The following TMEM117 variants were observed in gnomAD, a reference collection of about 807,000 sequenced individuals.
TMEM117 encodes transmembrane protein 117.
Under a neutral mutation model 52.4 loss-of-function variants are expected in TMEM117, and 27 were observed. The observed-to-expected ratio is 0.51, with a 90% CI of 0.38 to 0.71. TMEM117 has a LOEUF of 0.71. TMEM117 is among the 30% of genes least tolerant of loss of function. The pLI is 0.00. For missense variants in TMEM117, 556 were observed against 630.5 expected (o/e 0.88, Z 1.26); for synonymous variants, 215 against 206.3 (o/e 1.04, Z -0.36).
At chr12:44,152,938 T>C (rs1948775431) in intron 4 of TMEM117, among the ~76,000 whole-genome samples, 1 of 149,736 alleles carries the variant, frequency 6.7e-6, no homozygotes, top group Non-Finnish European at 1.5e-5. Context: ...TTATATATAC[T>C]TAAGAATAGT....
At position 44,323,613 on chromosome 12, in the gene TMEM117, T is replaced by A. The variant is rs78727032; in HGVS notation, c.768+23874T>A. On this transcript the variant is annotated intron_variant, in intron 6 of 7. Transcript: ENST00000266534. ...CTAAAACATTAAGAAAATAACTTAT[T>A]GTTTTATCAGGAATTTATGATGAAT... is the stretch of plus-strand genomic sequence containing the variant. 8.7e-3 allele frequency among the ~76,000 whole-genome samples: 1,328 copies of A among 152,284 alleles called. 9 individuals carry two copies. Among genetic ancestry groups the A allele is most frequent in the Non-Finnish European group, 0.014 (950 of 68,006 alleles).
rs190105129 is a variant in TMEM117, at chr12:44,235,315, C to T, written c.608+23928C>T. ...TACTTTCAATCATTTAGGATATTTACGTTTTAAATGTTTCCTGTTAAATGC... is the reference window on the plus strand; with the variant it reads ...TACTTTCAATCATTTAGGATATTTATGTTTTAAATGTTTCCTGTTAAATGC... On this transcript the variant is annotated intron_variant, in intron 5 of 7. Coordinates refer to ENST00000266534, the MANE Select transcript of TMEM117 (RefSeq NM_032256.3). Among the ~76,000 whole-genome samples the T allele has an allele frequency of 4.6e-5, 7 of 151,260 alleles. No individual in the cohort carries two copies. The East Asian group carries it at 7.7e-4, about 17-fold the overall frequency.
intron 3 of TMEM117, among the ~76,000 whole-genome samples, chr12:44,065,854 C>G (rs960972646): frequency 2.2e-4 from 34 of 152,134 alleles, no homozygotes; most frequent in African/African-American, 7.2e-4. Context: ...GTTCCTCTCT[C>G]TACGTTAATG....
At chr12:43,990,386 C>G (rs528964398) in intron 3 of TMEM117, among the ~76,000 whole-genome samples, 186 of 152,254 alleles carry the variant, frequency 1.2e-3, no homozygotes, top group South Asian at 4.1e-3. Context: ...AAGATACTAT[C>G]ATGGGACATT....
At chr12:44,166,932 T>C (rs1268597271) in intron 4 of TMEM117, among the ~76,000 whole-genome samples, 1 of 152,246 alleles carries the variant, frequency 6.6e-6, no homozygotes, top group African/African-American at 2.4e-5. Context: ...GTATTGTATG[T>C]AGCTCAGTGT....
chr12:43,963,423 G>A (rs1945435838), intron 3 of TMEM117, among the ~76,000 whole-genome samples: 1 of 152,292 alleles, frequency 6.6e-6, no homozygotes, highest in African/African-American at 2.4e-5. Flanking sequence ...AGTGTGTGGA[G>A]ATATAGTTCA....
chr12:44,091,010 T>C (rs17121310), intron 3 of TMEM117, among the ~76,000 whole-genome samples: 40,990 of 151,926 alleles, frequency 0.27, 10,054 homozygotes, highest in African/African-American at 0.66. Flanking sequence ...AAATATTTTG[T>C]GACTTACATA....
At chr12:44,034,504 C>G (rs1433956259) in intron 3 of TMEM117, among the ~76,000 whole-genome samples, 1 of 152,068 alleles carries the variant, frequency 6.6e-6, no homozygotes. Flanking sequence ...GCAATTAAGT[C>G]CGTGGTGATT....
At chr12:44,138,219 G>C (rs1269624965) in intron 3 of TMEM117, among the ~76,000 whole-genome samples, 1 of 152,056 alleles carries the variant, frequency 6.6e-6, no homozygotes, top group African/African-American at 2.4e-5. Flanking sequence ...TTTACTGTGG[G>C]TGGAAATAGT....
At position 43,898,964 on chromosome 12, in the gene TMEM117, G is replaced by A. The variant is rs572105544; in HGVS notation, c.278-45246G>A. Among the ~76,000 whole-genome samples, 15 of 152,286 alleles carry A rather than the reference G, an allele frequency of 9.8e-5. No individual in the cohort carries two copies. The South Asian group carries it at 3.1e-3, about 32-fold the overall frequency. ...ACAGCGGTCATTTTCTAGCTGGGAT[G>A]GAGCAGCTGTCCGTCAGTGGATTTC... On this transcript the variant is annotated intron_variant, in intron 2 of 7. Transcript: ENST00000266534.
Position 44,032,538 on chromosome 12 carries a change from C to T in TMEM117, c.410+88196C>T, listed in dbSNP as rs748734185. On this transcript the variant is annotated intron_variant, in intron 3 of 7. Coordinates refer to ENST00000266534, the MANE Select transcript of TMEM117 (RefSeq NM_032256.3). ...CAACCCCATATCAGCTTGGTTCCAA[C>T]AGTTGTCCAATTCATGGAAAGCCTT... 5.3e-5 allele frequency among the ~76,000 whole-genome samples: 8 copies of T among 152,166 alleles called. 1 individual carries two copies. The highest frequency in any genetic ancestry group is 1.5e-5 in the Non-Finnish European group (1 of 68,010).
At chr12:44,350,675 A>G (rs989907920) in intron 6 of TMEM117, among the ~76,000 whole-genome samples, 4 of 151,912 alleles carry the variant, frequency 2.6e-5, no homozygotes, top group Non-Finnish European at 4.4e-5. Context: ...AGTTCCATCC[A>G]TGTTGTTGCA....
At chr12:44,019,335 A>T (rs1325450456) in intron 3 of TMEM117, among the ~76,000 whole-genome samples, 1 of 151,954 alleles carries the variant, frequency 6.6e-6, no homozygotes, top group East Asian at 1.9e-4. Context: ...CTCACTCCCC[A>T]GGAGACCCAT....
chr12:44,201,567 A>G (rs1453840522), intron 4 of TMEM117, among the ~76,000 whole-genome samples: 2 of 152,198 alleles, frequency 1.3e-5, no homozygotes, highest in Non-Finnish European at 1.5e-5. Context: ...CTCAAACTAT[A>G]AAAAGTATAC....
At chr12:43,830,607 T>C in the TMEM117 span, among the ~76,000 whole-genome samples, 1 of 125,930 alleles carries the variant, frequency 7.9e-6, no homozygotes, top group Non-Finnish European at 1.6e-5. Flanking sequence ...AAGACACTTG[T>C]CTCAAAAAAA....
the TMEM117 span, among the ~76,000 whole-genome samples, chr12:43,819,801 G>GGA: frequency 3.3e-5 from 5 of 151,618 alleles, no homozygotes; most frequent in South Asian, 6.3e-4. Context: ...AGAGAGAGAG[G>GGA]GAGAGAGAGA....
intron 5 of TMEM117, among the ~76,000 whole-genome samples, chr12:44,233,780 A>G (rs977171098): frequency 3.3e-5 from 5 of 151,310 alleles, no homozygotes; most frequent in African/African-American, 1.2e-4. Flanking sequence ...TCTATAATTC[A>G]TTGATTTTGA....
chr12:44,278,489 A>G (rs961315427), intron 5 of TMEM117, among the ~76,000 whole-genome samples: 4 of 152,180 alleles, frequency 2.6e-5, no homozygotes, highest in African/African-American at 9.7e-5. Flanking sequence ...TGTTCTTTAT[A>G]TCATTGCTAT....
chr12:44,053,781 A>T (rs557518442), intron 3 of TMEM117, among the ~76,000 whole-genome samples: 2 of 152,342 alleles, frequency 1.3e-5, no homozygotes, highest in South Asian at 4.1e-4. Context: ...GGCCAAATGT[A>T]CTTTTAAAAA....
Sources: allele counts gnomAD v4.1 joint callset (sites outside exome capture counted in the v4.1 genomes callset), GRCh38; gene constraint gnomAD v4.1.1; transcripts MANE v1.5; gene names NCBI Gene and HGNC (gene_info 2026-07-23, HGNC 2026-07-21).